Variants in UBR1 observed in about 807,000 individuals in gnomAD.
The protein encoded by UBR1 is E3 ubiquitin-protein ligase UBR1.
Under a neutral mutation model 242.1 loss-of-function variants are expected in UBR1, and 102 were observed. That is an observed-to-expected ratio of 0.42 (90% CI 0.36 to 0.50). The LOEUF (loss-of-function observed/expected upper bound fraction) is 0.50. Ranked by LOEUF, UBR1 falls within the 20% of genes least tolerant of loss-of-function variation. The pLI is 0.01. For synonymous variants in UBR1, 675 were observed against 684.8 expected (o/e 0.99, Z 0.22); for missense variants, 1,772 against 2,101.8 (o/e 0.84, Z 3.07).
At chr15:43,048,557 G>T (rs1441668939) in intron 12 of UBR1, 66 bp from the exon 13 acceptor site, 15 of 1,249,838 alleles carry the variant, frequency 1.2e-5, no homozygotes, top group Admixed American at 2.0e-5. Flanking sequence ...AGGTTCTCAG[G>T]GTTATAGACA....
chr15:42,964,145 T>C lies in UBR1; in HGVS notation c.4592-102A>G, dbSNP rs912915936. 102 of 826,970 alleles carry C rather than the reference T, an allele frequency of 1.2e-4. No individual in the cohort carries two copies. The African/African-American group carries it at 1.5e-3, about 12-fold the overall frequency. 51.2% of individuals were successfully genotyped at this position (826,970 alleles called of 1,614,324 possible). A position where few individuals can be genotyped will look rare whatever the true frequency, so the allele number is the denominator to read the frequency against. On this transcript the variant is annotated intron_variant, in intron 41 of 46. Transcript: ENST00000290650. ...GTTTATGCTTATTTCTACACTCTCC[T>C]TGTAGAGGGTATATTGCTTATTCTA...
intron 4 of UBR1, among the ~76,000 whole-genome samples, chr15:43,073,675 T>C (rs1007599477): frequency 6.6e-6 from 1 of 152,248 alleles, no homozygotes; most frequent in Non-Finnish European, 1.5e-5. Flanking sequence ...CGGATTTTTA[T>C]ATATTCAATG....
intron 32 of UBR1, among the ~76,000 whole-genome samples, chr15:43,001,184 T>C (rs2032719113): frequency 6.6e-6 from 1 of 151,718 alleles, no homozygotes; most frequent in Non-Finnish European, 1.5e-5. Context: ...TCTCACATTG[T>C]TGCCCAGGCT....
At chr15:42,966,724 A>G (rs1231795052) in intron 40 of UBR1, among the ~76,000 whole-genome samples, 2 of 152,046 alleles carry the variant, frequency 1.3e-5, no homozygotes, top group African/African-American at 4.8e-5. Flanking sequence ...CAGTGTTTAA[A>G]TCTCCTAATA....
At chr15:43,068,125 A>C in intron 5 of UBR1, 89 bp from the exon 6 acceptor site, 1 of 863,642 alleles carries the variant, frequency 1.2e-6, no homozygotes, top group Non-Finnish European at 1.7e-6. Flanking sequence ...TTAATACATA[A>C]CATCTGTGTA....
At chr15:43,101,800 T>C (rs1232513135) in intron 1 of UBR1, among the ~76,000 whole-genome samples, 1 of 151,642 alleles carries the variant, frequency 6.6e-6, no homozygotes, top group African/African-American at 2.4e-5. Flanking sequence ...AACCCCTCTC[T>C]TTACTAAAAA....
chr15:43,041,099 A>G (rs960856473), intron 15 of UBR1, among the ~76,000 whole-genome samples: 2 of 152,220 alleles, frequency 1.3e-5, no homozygotes, highest in African/African-American at 4.8e-5. Flanking sequence ...CTGGGTATAT[A>G]CCCAATGGAT....
chr15:43,011,258 G>C (rs114021937), intron 29 of UBR1, among the ~76,000 whole-genome samples: 2 of 151,712 alleles, frequency 1.3e-5, no homozygotes, highest in African/African-American at 2.4e-5. Context: ...TCTTAAACAA[G>C]ATATTAATAC....
chr15:42,943,923 ACTTTT>A lies in UBR1; in HGVS notation c.*1401_*1405del, dbSNP rs1273104362. On this transcript the variant is annotated 3_prime_UTR_variant, in exon 47 of 47. Transcript: ENST00000290650. ...ATGCCAATCCCTTACTGCAAAATCCACTTTTCTTTACATAAAAGTACCAAAAAAAT... is the reference window on the plus strand; with the variant it reads ...ATGCCAATCCCTTACTGCAAAATCCACTTTACATAAAAGTACCAAAAAAAT... 3.9e-5 allele frequency: 6 copies of A among 152,372 alleles called. No homozygotes were observed. Among genetic ancestry groups the A allele is most frequent in the African/African-American group, 1.4e-4 (6 of 41,444 alleles). The allele number at this position is 152,372 out of a possible 1,614,324, so 9.4% of individuals were successfully genotyped here.
At chr15:43,051,894 G>A (rs2033561566) in intron 12 of UBR1, among the ~76,000 whole-genome samples, 1 of 152,148 alleles carries the variant, frequency 6.6e-6, no homozygotes, top group African/African-American at 2.4e-5. Flanking sequence ...ATACTTTCTG[G>A]AAATGGAACA....
At chr15:42,968,953 C>T (rs544905294) in intron 40 of UBR1, among the ~76,000 whole-genome samples, 2 of 152,136 alleles carry the variant, frequency 1.3e-5, no homozygotes, top group East Asian at 3.9e-4. Context: ...GTCTTTGCTA[C>T]TGTGAATGGT....
In UBR1 at chr15:43,064,684, C is replaced by T. The variant is rs567311117; in HGVS notation, c.798+3214G>A. ...CTCCACCTCCCAGGTTCAAACAATT[C>T]TCCTGCCTCAGCCTCCTGAGTAGCT... On this transcript the variant is annotated intron_variant, in intron 6 of 46. Transcript: ENST00000290650. Among the ~76,000 whole-genome samples the T allele has an allele frequency of 4.6e-5, 7 of 151,434 alleles. No individual in the cohort carries two copies. The South Asian group carries it at 1.5e-3, about 32-fold the overall frequency.
rs745528353 is a variant in UBR1, at chr15:42,960,714, C to T, written c.4701-13G>A. On this transcript the variant is annotated splice_polypyrimidine_tract_variant and intron_variant, in intron 42 of 46. Transcript: ENST00000290650. ...ATCTGCACACCACCTGTATGTGGAG[C>T]CAAGAGAAAAGACAAATGGATTATC... 1.2e-6 allele frequency: 2 copies of T among 1,613,414 alleles called. No individual in the cohort carries two copies. Among genetic ancestry groups the T allele is most frequent in the Admixed American group, 3.3e-5 (2 of 59,994 alleles).
intron 29 of UBR1, among the ~76,000 whole-genome samples, chr15:43,008,442 C>T (rs2032867394): frequency 1.3e-5 from 2 of 152,266 alleles, no homozygotes; most frequent in African/African-American, 4.8e-5. Context: ...GCCTTGGACC[C>T]CTCTGGTCTT....
intron 41 of UBR1, 72 bp downstream of exon 41, chr15:42,966,081 A>G (rs1232460354): frequency 1.2e-6 from 2 of 1,606,072 alleles, no homozygotes; most frequent in Admixed American, 3.3e-5. Context: ...TTAACCTTGT[A>G]TTCATGAGCT....
intron 34 of UBR1, 29 bp from the exon 35 acceptor site, chr15:42,988,996 A>C (rs2032517034): frequency 6.4e-7 from 1 of 1,567,588 alleles, no homozygotes; most frequent in East Asian, 2.2e-5. Context: ...AATTTGTATG[A>C]TTTAGTAAAA....
At position 42,988,981 on chromosome 15, in the gene UBR1, A is replaced by G. The variant is rs1474541079; in HGVS notation, c.3849-14T>C. ...GAATATTTAATCCTATAAATAAAAC[A>G]AGAAAATTTGTATGATTTAGTAAAA... On this transcript the variant is annotated splice_polypyrimidine_tract_variant and intron_variant, in intron 34 of 46. Transcript: ENST00000290650. The G allele has an allele frequency of 1.9e-6, 3 of 1,586,334 alleles. No homozygotes were observed. The highest frequency in any genetic ancestry group is 1.9e-4 in the Middle Eastern group (1 of 5,362).
intron 38 of UBR1, among the ~76,000 whole-genome samples, 198 bp downstream of exon 38, chr15:42,977,682 C>CT (rs201655415): frequency 0.01 from 1,298 of 124,162 alleles, 11 homozygotes; most frequent in South Asian, 0.031. Context: ...AATTGAAGTG[C>CT]TTTTTTTTTT....
chr15:42,963,583 G>C (rs188377310), intron 42 of UBR1, among the ~76,000 whole-genome samples: 1 of 152,006 alleles, frequency 6.6e-6, no homozygotes, highest in Non-Finnish European at 1.5e-5. Flanking sequence ...TACCATGTGA[G>C]ATATGCTCCT....
Sources: gnomAD v4.1 joint callset for allele counts (sites outside exome capture counted in the v4.1 genomes callset) on GRCh38, gnomAD v4.1.1 for gene constraint, MANE v1.5 for transcripts, NCBI Gene and HGNC (gene_info 2026-07-23, HGNC 2026-07-21) for gene names.